The following PARL variants were observed in gnomAD, a reference collection of about 807,000 sequenced individuals.
PARL encodes the protein presenilin-associated rhomboid-like protein, mitochondrial.
In PARL, 44 loss-of-function variants were observed where a neutral mutation model predicts 51.6. The ratio of observed to expected loss-of-function variants is 0.85; its 90% confidence interval spans 0.67 to 1.10. PARL has a LOEUF of 1.10. PARL is among the 50% of genes least tolerant of loss of function. PARL has a pLI of 0.00. For missense variants in PARL, 441 were observed against 469.5 expected (o/e 0.94, Z 0.56); for synonymous variants, 172 against 164.0 (o/e 1.05, Z -0.37).
intron 1 of PARL, among the ~76,000 whole-genome samples, chr3:183,871,700 T>A (rs780709733): frequency 3.3e-5 from 5 of 152,122 alleles, no homozygotes; most frequent in Non-Finnish European, 7.4e-5. Flanking sequence ...AAATATTAGA[T>A]GAGCGATTGC....
At chr3:183,839,601 G>A (rs553762215) in intron 7 of PARL, among the ~76,000 whole-genome samples, 1 of 152,070 alleles carries the variant, frequency 6.6e-6, no homozygotes, top group East Asian at 1.9e-4. Context: ...GTATTTTCAG[G>A]AGGGACAGGG....
chr3:183,880,399 G>GT (rs563095175), intron 1 of PARL, among the ~76,000 whole-genome samples: 241 of 146,816 alleles, frequency 1.6e-3, no homozygotes, highest in African/African-American at 3.5e-3. Context: ...TTATAGTTCA[G>GT]TTTTTTTTTT....
rs1560383738 is a variant in PARL, at chr3:183,842,284, T to TTAAA, written c.757+10_757+13dup. The stretch of plus-strand genomic sequence containing the variant: ...GCTTATACTCTCAAAGGCCCCGAGA[T>TTAAA]TAAAGCATATTACCTGCAGATAGGT... On this transcript the variant is annotated intron_variant, in intron 6 of 9. Transcript: ENST00000317096. The TTAAA allele has an allele frequency of 6.2e-7, 1 of 1,611,524 alleles. No individual in the cohort carries two copies. The highest frequency in any genetic ancestry group is 8.5e-7 in the Non-Finnish European group (1 of 1,179,404).
Position 183,830,189 on chromosome 3 carries a change from C to T in PARL, c.1029-480G>A, listed in dbSNP as rs570212411. 8.5e-5 allele frequency among the ~76,000 whole-genome samples: 13 copies of T among 152,274 alleles called. No homozygotes were observed. In the South Asian group the frequency reaches 2.3e-3, roughly 27 times the overall value. ...CCTCCTAACTATACGAAGGGTGGCC[C>T]GCTCATCCAAACTCTGCCCCGCTTT... On this transcript the variant is annotated intron_variant, in intron 9 of 9. Transcript: ENST00000317096.
chr3:183,867,144 C>A (rs1732589263), intron 2 of PARL, among the ~76,000 whole-genome samples: 1 of 152,080 alleles, frequency 6.6e-6, no homozygotes, highest in Non-Finnish European at 1.5e-5. Flanking sequence ...GAACTCCTGA[C>A]CTCAGGTGAT....
intron 1 of PARL, among the ~76,000 whole-genome samples, chr3:183,869,038 A>T (rs1732866391): frequency 6.6e-6 from 1 of 151,620 alleles, no homozygotes; most frequent in Non-Finnish European, 1.5e-5. Flanking sequence ...AGCACTTCCT[A>T]CTCTTCAAAT....
At chr3:183,841,522 A>T (rs1165494743) in intron 6 of PARL, among the ~76,000 whole-genome samples, 1 of 152,192 alleles carries the variant, frequency 6.6e-6, no homozygotes, top group Non-Finnish European at 1.5e-5. Flanking sequence ...TAGAAATAGG[A>T]TCTGAACCTG....
intron 4 of PARL, among the ~76,000 whole-genome samples, chr3:183,853,576 T>G (rs1730791598): frequency 6.6e-6 from 1 of 151,986 alleles, no homozygotes; most frequent in African/African-American, 2.4e-5. Context: ...AAAAGAATGC[T>G]TATAACTCAA....
At chr3:183,871,022 C>A (rs904576493) in intron 1 of PARL, among the ~76,000 whole-genome samples, 12 of 152,112 alleles carry the variant, frequency 7.9e-5, no homozygotes, top group Admixed American at 6.6e-4. Flanking sequence ...CTACTGCCCA[C>A]GCCCCCATTA....
chr3:183,834,283 G>C (rs747886808), intron 7 of PARL, among the ~76,000 whole-genome samples: 116 of 152,348 alleles, frequency 7.6e-4, no homozygotes, highest in Middle Eastern at 6.8e-3. Context: ...TTGCCAGTGT[G>C]GTGGCTCACG....
At position 183,882,223 on chromosome 3, in the gene PARL, ATAT is replaced by A. The variant is rs1397649137; in HGVS notation, c.125+2496_125+2498del. Among the ~76,000 whole-genome samples the A allele has an allele frequency of 4.0e-4, 14 of 35,378 alleles. 3 individuals are homozygous for A. Among genetic ancestry groups the A allele is most frequent in the Non-Finnish European group, 4.6e-4 (9 of 19,674 alleles). The allele number at this position is 35,378 out of a possible 152,430, so 23.2% of individuals were successfully genotyped here. The stretch of plus-strand genomic sequence containing the variant: ...TGTCTCTAAAAAAAAAAAAAAAAAA[ATAT>A]ATATATATATATATATATTTATATA... On this transcript the variant is annotated intron_variant, in intron 1 of 9. Coordinates refer to ENST00000317096, the MANE Select transcript of PARL (RefSeq NM_018622.7).
Position 183,884,787 on chromosome 3 carries a change from C to A in PARL, c.60G>T (p.Ser20=), listed in dbSNP as rs1479080203. 1.9e-6 allele frequency: 3 copies of A among 1,591,732 alleles called. No individual in the cohort carries two copies. Among genetic ancestry groups the A allele is most frequent in the East Asian group, 2.3e-5 (1 of 44,122 alleles). ...GCTCCTCGCAGCTGCGGCCGCCCAC[C>A]GACGCACCCCACGCCTGGCCGCAGC... is the stretch of plus-strand genomic sequence containing the variant. ...GWGCGQAWGA[S]VGGRSCEELT... Residue 20 remains serine, a synonymous_variant, in exon 1 of 10, where the codon TCG becomes TCT. Transcript: ENST00000317096.
intron 4 of PARL, 147 bp from the exon 5 acceptor site, chr3:183,844,473 G>T: frequency 1.5e-6 from 1 of 647,674 alleles, no homozygotes; most frequent in Non-Finnish European, 2.8e-6. Flanking sequence ...AAAAGCAAGT[G>T]AAATGAATGC....
chr3:183,853,283 C>T (rs533533513), intron 4 of PARL, among the ~76,000 whole-genome samples: 12 of 140,302 alleles, frequency 8.6e-5, no homozygotes, highest in East Asian at 2.8e-4. Context: ...ATAACTCAGG[C>T]GGGTGCAAGT....
intron 4 of PARL, chr3:183,861,140 G>A (rs763690906): frequency 5.2e-6 from 2 of 384,100 alleles, no homozygotes; most frequent in African/African-American, 2.2e-5. Flanking sequence ...AAAGAAGCAA[G>A]CAAACAAAAT....
rs17849792 is a variant in PARL at position 183,829,622 on chromosome 3, G to C, written c.1116C>G (p.Pro372=). ...KIWHEIRTNG[P]KKGGGSK ...TTTACTTAGAGCCACCTCCTTTTTT[G>C]GGGCCATTAGTCCTTATTTCATGCC... The change falls in exon 10 of 10, where the codon CCC becomes CCG. Residue 372 remains proline, a synonymous_variant. Transcript: ENST00000317096. The C allele has an allele frequency of 2.5e-6, 4 of 1,614,008 alleles. No homozygotes were observed. The Middle Eastern group carries it at 6.6e-4, about 266-fold the overall frequency.
intron 4 of PARL, among the ~76,000 whole-genome samples, chr3:183,849,330 T>G (rs1222584887): frequency 2.0e-5 from 3 of 152,146 alleles, no homozygotes; most frequent in African/African-American, 4.8e-5. Context: ...TTATACAAAC[T>G]ATGTCCTCTG....
At chr3:183,881,837 T>G (rs1188475676) in intron 1 of PARL, among the ~76,000 whole-genome samples, 1 of 152,150 alleles carries the variant, frequency 6.6e-6, no homozygotes, top group East Asian at 1.9e-4. Context: ...GACCCCATCG[T>G]GAGTTAATAG....
chr3:183,829,761 G>C (rs370170594), intron 9 of PARL, 52 bp from the exon 10 acceptor site: 13 of 1,412,230 alleles, frequency 9.2e-6, no homozygotes, highest in Non-Finnish European at 2.0e-6. Context: ...CATACAAATG[G>C]TAAGTAGCAT....
Sources: allele counts gnomAD v4.1 joint callset (sites outside exome capture counted in the v4.1 genomes callset), GRCh38; gene constraint gnomAD v4.1.1; transcripts MANE v1.5; gene names NCBI Gene and HGNC (gene_info 2026-07-23, HGNC 2026-07-21).